Variants in TRIM66 observed in about 807,000 individuals in gnomAD.
TRIM66 encodes tripartite motif-containing protein 66.
A neutral mutation model predicts 148.2 loss-of-function variants in TRIM66; 99 were observed. That is an observed-to-expected ratio of 0.67 (90% CI 0.57 to 0.79). TRIM66 has a LOEUF of 0.79. TRIM66 is among the 30% of genes least tolerant of loss of function. TRIM66 has a pLI of 0.00. For missense variants in TRIM66, 1,666 were observed against 1,697.9 expected (o/e 0.98, Z 0.33); for synonymous variants, 616 against 635.9 (o/e 0.97, Z 0.47).
rs1376078996 is a variant in TRIM66 at position 8,621,789 on chromosome 11, A to C, written c.3111T>G (p.Tyr1037Ter). 1.9e-6 allele frequency: 3 copies of C among 1,550,146 alleles called. No individual in the cohort carries two copies. In the African/African-American group the frequency reaches 4.1e-5, roughly 21 times the overall value. The stretch of plus-strand genomic sequence containing the variant: ...AGATCTTGAGTCGCTCCAGTCGCAC[A>C]TAGGGAATCTTATGCTCACTATTGA... Reference protein sequence around the residue: ...RAFNSEHKIPYVRLERLKICA... With the variant: ...RAFNSEHKIP The change falls in exon 19 of 25, where the codon TAT becomes TAG. Residue 1037 changes from tyrosine to a stop codon, truncating the protein, a stop_gained. Transcript: ENST00000646038. LOFTEE classifies it high-confidence loss of function.
chr11:8,668,775 G>A (rs987052751), intron 6 of TRIM66, among the ~76,000 whole-genome samples: 6 of 151,926 alleles, frequency 3.9e-5, no homozygotes, highest in Middle Eastern at 3.4e-3. Context: ...TAGTAGAGAC[G>A]GGGTTTCACC....
intron 6 of TRIM66, among the ~76,000 whole-genome samples, chr11:8,670,616 A>G (rs557985580): frequency 6.6e-6 from 1 of 152,366 alleles, no homozygotes; most frequent in South Asian, 2.1e-4. Flanking sequence ...ATAAAAGCCA[A>G]TATTAACAAA....
intron 6 of TRIM66, among the ~76,000 whole-genome samples, chr11:8,653,829 T>C (rs754823251): frequency 6.7e-6 from 1 of 149,852 alleles, no homozygotes; most frequent in African/African-American, 2.5e-5. Context: ...ACTTTCTGAG[T>C]TTTTGCAGAG....
chr11:8,670,301 T>C (rs116280420), intron 6 of TRIM66, among the ~76,000 whole-genome samples: 3,155 of 152,246 alleles, frequency 0.021, 126 homozygotes, highest in African/African-American at 0.072. Context: ...CGTGAGCCAC[T>C]GCACCAGGCC....
chr11:8,647,037 CAT>C (rs1398864352), intron 10 of TRIM66, among the ~76,000 whole-genome samples: 1 of 148,084 alleles, frequency 6.8e-6, no homozygotes, highest in Non-Finnish European at 1.5e-5. Flanking sequence ...ATATAATAAA[CAT>C]ATTATATAAT....
rs148170281 is a variant in TRIM66 at position 8,631,960 on chromosome 11, G to A, written c.2310+6694C>T. Among the ~76,000 whole-genome samples, 1,374 of 152,242 alleles carry A rather than the reference G, an allele frequency of 9.0e-3. 24 individuals are homozygous for A. The highest frequency in any genetic ancestry group is 0.051 in the South Asian group (246 of 4,824). Reference sequence around the variant, plus strand: ...CTGTGTAAATATGCAATAGAAAAAGGGACCACAGATTTGGGAGTTGTGTCT... The same window carrying A: ...CTGTGTAAATATGCAATAGAAAAAGAGACCACAGATTTGGGAGTTGTGTCT... On this transcript the variant is annotated intron_variant, in intron 15 of 24. Transcript: ENST00000646038.
intron 3 of TRIM66, among the ~76,000 whole-genome samples, chr11:8,675,149 G>A (rs189832436): frequency 1.3e-5 from 2 of 152,114 alleles, no homozygotes; most frequent in Non-Finnish European, 1.5e-5. Context: ...TCCAAATATC[G>A]ACACATTTCA....
intron 6 of TRIM66, among the ~76,000 whole-genome samples, chr11:8,661,126 G>C (rs377330972): frequency 6.6e-6 from 1 of 152,188 alleles, no homozygotes; most frequent in Non-Finnish European, 1.5e-5. Context: ...GTGAAGTGAC[G>C]TCAGGAAAAA....
chr11:8,649,660 G>A (rs985571420), intron 8 of TRIM66, 80 bp downstream of exon 8: 35 of 1,488,896 alleles, frequency 2.4e-5, no homozygotes, highest in Admixed American at 8.8e-5. Context: ...AAACAAGATC[G>A]GAGAGCTATT....
At chr11:8,656,192 G>C (rs1466779022) in intron 6 of TRIM66, among the ~76,000 whole-genome samples, 1 of 152,134 alleles carries the variant, frequency 6.6e-6, no homozygotes, top group African/African-American at 2.4e-5. Context: ...TCAAAACAAA[G>C]TTTTACTTTA....
intron 6 of TRIM66, 38 bp downstream of exon 6, chr11:8,671,748 T>G (rs908539456): frequency 1.1e-6 from 1 of 894,146 alleles, no homozygotes; most frequent in Non-Finnish European, 1.8e-6. Flanking sequence ...AGACCTGTTA[T>G]GTAGTGGGAG....
intron 15 of TRIM66, among the ~76,000 whole-genome samples, chr11:8,628,572 C>T (rs956567731): frequency 1.4e-5 from 2 of 138,742 alleles, no homozygotes; most frequent in African/African-American, 5.3e-5. Context: ...AAGATCGTGC[C>T]ACTACACTCC....
chr11:8,642,737 T>A (rs1182311523), intron 13 of TRIM66, among the ~76,000 whole-genome samples: 1 of 145,126 alleles, frequency 6.9e-6, no homozygotes, highest in African/African-American at 2.6e-5. Flanking sequence ...AAAACCAATG[T>A]AACAGGACAT....
intron 15 of TRIM66, 113 bp downstream of exon 15, chr11:8,638,541 C>T: frequency 8.2e-7 from 1 of 1,217,704 alleles, no homozygotes; most frequent in Non-Finnish European, 1.1e-6. Flanking sequence ...GTGTAGCGTC[C>T]AGGGATGGAA....
rs1380874138 is a variant in TRIM66, at chr11:8,621,098, C to A, written c.3479G>T (p.Cys1160Phe). The change falls in exon 20 of 25, where the codon TGC becomes TTC. Residue 1160 changes from cysteine (C) to phenylalanine (F), a missense_variant. This residue lies in a region of TRIM66 where 1,431 missense variants were observed against 1,412.4 expected (regional missense o/e 1.01). Transcript: ENST00000646038. Reference sequence around the variant, plus strand: ...GAACACTTTGGGGCAGCGGTCACAGCACAGTAACTCTCCGCCATTGAGGCA... The same window carrying A: ...GAACACTTTGGGGCAGCGGTCACAGAACAGTAACTCTCCGCCATTGAGGCA... ...AVCLNGGELL[C>F]CDRCPKVFHL... 6.4e-7 allele frequency: 1 copy of A among 1,551,736 alleles called. No homozygotes were observed. The highest frequency in any genetic ancestry group is 1.2e-5 in the South Asian group (1 of 84,066).
chr11:8,683,190 T>A (rs376923224), upstream of TRIM66: 1 of 1,613,976 alleles, frequency 6.2e-7, no homozygotes, highest in Non-Finnish European at 8.5e-7. Flanking sequence ...CCACCAAGCT[T>A]TTTCCACACA....
intron 13 of TRIM66, among the ~76,000 whole-genome samples, 161 bp from the exon 14 acceptor site, chr11:8,641,313 G>A (rs1017623942): frequency 1.3e-5 from 2 of 152,158 alleles, no homozygotes; most frequent in African/African-American, 4.8e-5. Flanking sequence ...CTAGAATGCT[G>A]CCAGTAATAG....
intron 15 of TRIM66, among the ~76,000 whole-genome samples, chr11:8,631,450 T>C (rs2035390447): frequency 6.6e-6 from 1 of 152,214 alleles, no homozygotes; most frequent in Non-Finnish European, 1.5e-5. Flanking sequence ...GGAGTACTTC[T>C]AAAACACTTT....
chr11:8,675,730 T>A (rs1282555723), intron 3 of TRIM66, among the ~76,000 whole-genome samples: 1 of 151,548 alleles, frequency 6.6e-6, no homozygotes. Flanking sequence ...TTTATTTTTT[T>A]AATTATTATT....
Sources: allele counts gnomAD v4.1 joint callset (sites outside exome capture counted in the v4.1 genomes callset), GRCh38; gene constraint gnomAD v4.1.1; regional missense constraint gnomAD v4.1.1; transcripts MANE v1.5; gene names NCBI Gene and HGNC (gene_info 2026-07-23, HGNC 2026-07-21).